SPAG16: variants seen among roughly 807,000 people sequenced by gnomAD.
SPAG16 encodes the protein sperm-associated antigen 16 protein.
In SPAG16, 86 loss-of-function variants were observed where a neutral mutation model predicts 80.4. The observed-to-expected ratio is 1.07, with a 90% CI of 0.90 to 1.28. The LOEUF (loss-of-function observed/expected upper bound fraction) is 1.28, where lower values mean the gene tolerates loss of function less well. Ranked by LOEUF, SPAG16 falls within the 50% of genes most tolerant of loss-of-function variation. The pLI is 0.00. For missense variants in SPAG16, 870 were observed against 765.3 expected, an observed-to-expected ratio of 1.14 and a Z score of -1.61; for synonymous variants, 294 against 265.9, an observed-to-expected ratio of 1.11 and a Z score of -1.03.
chr2:213,673,567 A>G (rs1437349807), intron 10 of SPAG16, among the ~76,000 whole-genome samples: 1 of 152,192 alleles, frequency 6.6e-6, no homozygotes, highest in Non-Finnish European at 1.5e-5. Context: ...AGTCAAGGGA[A>G]AAAGCACATT....
chr2:214,361,020 T>G (rs1181246006), intron 15 of SPAG16, among the ~76,000 whole-genome samples: 3 of 151,830 alleles, frequency 2.0e-5, no homozygotes, highest in Non-Finnish European at 4.4e-5. Flanking sequence ...GTCTTCCTTC[T>G]TGCACGACAT....
intron 15 of SPAG16, among the ~76,000 whole-genome samples, chr2:214,338,910 T>C (rs1175052237): frequency 1.3e-5 from 2 of 152,246 alleles, no homozygotes; most frequent in Non-Finnish European, 2.9e-5. Context: ...ACATCAGCTA[T>C]GTATTTTGAC....
At chr2:213,928,936 C>T (rs1043174879) in intron 11 of SPAG16, among the ~76,000 whole-genome samples, 1 of 135,990 alleles carries the variant, frequency 7.4e-6, no homozygotes, top group African/African-American at 2.6e-5. Context: ...CACACACACA[C>T]ACACACAAAA....
intron 6 of SPAG16, among the ~76,000 whole-genome samples, chr2:213,343,987 T>C (rs2064829290): frequency 6.6e-6 from 1 of 152,138 alleles, no homozygotes; most frequent in Non-Finnish European, 1.5e-5. Context: ...ATTCAAATTA[T>C]TTACTCAGGA....
chr2:213,608,844 C>T (rs906467167), intron 10 of SPAG16, among the ~76,000 whole-genome samples: 2 of 152,176 alleles, frequency 1.3e-5, no homozygotes, highest in Admixed American at 1.3e-4. Flanking sequence ...CCACCACACC[C>T]AGCTAATTTT....
chr2:214,144,915 A>G (rs546699689), intron 14 of SPAG16, among the ~76,000 whole-genome samples: 174 of 152,198 alleles, frequency 1.1e-3, no homozygotes, highest in African/African-American at 4.0e-3. Flanking sequence ...TATTTCTTTT[A>G]GAGATGCAAT....
chr2:214,209,507 A>C (rs560114537), intron 15 of SPAG16, among the ~76,000 whole-genome samples: 4 of 152,352 alleles, frequency 2.6e-5, no homozygotes, highest in African/African-American at 9.6e-5. Context: ...AAAGCCACAA[A>C]GAAATATCCT....
intron 8 of SPAG16, among the ~76,000 whole-genome samples, chr2:213,371,367 C>T (rs1336641229): frequency 8.0e-5 from 10 of 125,586 alleles, no homozygotes; most frequent in African/African-American, 2.9e-4. Flanking sequence ...CACTGCATTC[C>T]AGCCTGGCAA....
chr2:213,468,107 T>A (rs2072808112), intron 9 of SPAG16, among the ~76,000 whole-genome samples: 1 of 152,050 alleles, frequency 6.6e-6, no homozygotes, highest in South Asian at 2.1e-4. Flanking sequence ...CTCCTAAACT[T>A]ACTCTTTAGG....
intron 15 of SPAG16, among the ~76,000 whole-genome samples, chr2:214,363,209 T>C (rs962265136): frequency 6.6e-6 from 1 of 151,968 alleles, no homozygotes; most frequent in African/African-American, 2.4e-5. Flanking sequence ...GAGCTAGAAG[T>C]CTCGATGTAC....
intron 10 of SPAG16, among the ~76,000 whole-genome samples, chr2:213,612,279 T>A (rs2061462926): frequency 1.3e-5 from 2 of 152,204 alleles, no homozygotes; most frequent in South Asian, 4.1e-4. Flanking sequence ...AGAGGGGAAA[T>A]GTCACTATTA....
intron 9 of SPAG16, among the ~76,000 whole-genome samples, chr2:213,405,594 T>C (rs887909093): frequency 6.6e-6 from 1 of 152,226 alleles, no homozygotes; most frequent in African/African-American, 2.4e-5. Flanking sequence ...TAACTGTATT[T>C]TTGTACACAT....
At chr2:213,794,976 C>T (rs1480226444) in intron 10 of SPAG16, among the ~76,000 whole-genome samples, 1 of 152,070 alleles carries the variant, frequency 6.6e-6, no homozygotes, top group African/African-American at 2.4e-5. Flanking sequence ...TACTGGACCA[C>T]TATTAAAATT....
chr2:214,083,142 G>A (rs1356921441), intron 13 of SPAG16, among the ~76,000 whole-genome samples: 1 of 152,190 alleles, frequency 6.6e-6, no homozygotes, highest in Non-Finnish European at 1.5e-5. Context: ...CTATTAGGAA[G>A]GAGGGTTTAT....
intron 15 of SPAG16, among the ~76,000 whole-genome samples, chr2:214,392,460 A>G (rs531530747): frequency 6.6e-6 from 1 of 152,146 alleles, no homozygotes; most frequent in Non-Finnish European, 1.5e-5. Flanking sequence ...GAGCCTCAGA[A>G]TCTTATCCCT....
At chr2:214,309,926 A>T (rs1477542075) in intron 15 of SPAG16, among the ~76,000 whole-genome samples, 7 of 152,114 alleles carry the variant, frequency 4.6e-5, no homozygotes, top group Non-Finnish European at 8.8e-5. Flanking sequence ...GTTGCACTAG[A>T]GGTGATGTTG....
At chr2:214,255,256 A>G (rs1690596224) in intron 15 of SPAG16, among the ~76,000 whole-genome samples, 1 of 151,956 alleles carries the variant, frequency 6.6e-6, no homozygotes, top group African/African-American at 2.4e-5. Context: ...TCTTTCCTTC[A>G]GGGAACACAT....
chr2:213,436,699 G>GCTTATT (rs1486514318), intron 9 of SPAG16, among the ~76,000 whole-genome samples: 1 of 151,788 alleles, frequency 6.6e-6, no homozygotes, highest in African/African-American at 2.4e-5. Flanking sequence ...AAAATATGTA[G>GCTTATT]CTTATTAATA....
intron 9 of SPAG16, among the ~76,000 whole-genome samples, chr2:213,410,451 C>A (rs62192328): frequency 1.7e-4 from 26 of 152,138 alleles, no homozygotes; most frequent in Non-Finnish European, 3.5e-4. Context: ...TCGATAAAGA[C>A]CTAAATGTCA....
Sources: gnomAD v4.1 joint callset for allele counts (sites outside exome capture counted in the v4.1 genomes callset) on GRCh38, gnomAD v4.1.1 for gene constraint, MANE v1.5 for transcripts, NCBI Gene and HGNC (gene_info 2026-07-23, HGNC 2026-07-21) for gene names.